DDX11: variants seen among roughly 807,000 people sequenced by gnomAD.
DDX11 encodes the protein ATP-dependent DNA helicase DDX11.
Under a neutral mutation model 125.2 loss-of-function variants are expected in DDX11, and 72 were observed. That is an observed-to-expected ratio of 0.58 (90% CI 0.48 to 0.70). The LOEUF (loss-of-function observed/expected upper bound fraction) is 0.70, where lower values mean the gene tolerates loss of function less well. Ranked by LOEUF, DDX11 falls within the 30% of genes least tolerant of loss-of-function variation. The probability of loss-of-function intolerance (pLI) is 0.00; values close to 1 mark genes in which losing one functional copy is unlikely to be tolerated. For missense variants in DDX11, 883 were observed against 1,165.0 expected (o/e 0.76, Z 3.52); for synonymous variants, 347 against 452.6 (o/e 0.77, Z 2.96).
rs550705143 is a variant in DDX11 at position 31,096,323 on chromosome 12, T to C, written c.1483-18T>C. The C allele has an allele frequency of 3.8e-6, 6 of 1,576,416 alleles. No homozygotes were observed. In the Admixed American group the frequency reaches 5.1e-5, roughly 13 times the overall value. On this transcript the variant is annotated intron_variant, in intron 14 of 26. Coordinates refer to ENST00000542838, the MANE Select transcript of DDX11 (RefSeq NM_030653.4). The stretch of plus-strand genomic sequence containing the variant: ...CTCAGTTTGCACTCATGCCTACAGC[T>C]GGGCTTGGTTTTTGCAGGTGCAGCG...
intron 8 of DDX11, 121 bp from the exon 9 acceptor site, chr12:31,089,765 G>C: frequency 1.3e-6 from 2 of 1,522,740 alleles, no homozygotes; most frequent in Non-Finnish European, 1.8e-6. Flanking sequence ...GGCAGTACTT[G>C]GGAGGGTCTT....
intron 2 of DDX11, among the ~76,000 whole-genome samples, chr12:31,081,552 G>A (rs534642589): frequency 2.0e-5 from 3 of 151,404 alleles, no homozygotes; most frequent in Non-Finnish European, 4.4e-5. Context: ...CATGCTTTGC[G>A]GGGATCTATG....
chr12:31,089,766 GGAGGGTCTTATAGACCCT>G, intron 8 of DDX11, 102 bp from the exon 9 acceptor site: 1 of 1,526,664 alleles, frequency 6.6e-7, no homozygotes, highest in Non-Finnish European at 8.9e-7. Context: ...GCAGTACTTG[GGAGGGTCTTATAGACCCT>G]ACCCCATGGA....
chr12:31,076,320 G>A (rs756298356), intron 1 of DDX11, among the ~76,000 whole-genome samples: 2 of 152,166 alleles, frequency 1.3e-5, no homozygotes, highest in African/African-American at 2.4e-5. Context: ...AGTGAACCCC[G>A]TGGGTGTGTG....
At chr12:31,078,608 C>T in intron 2 of DDX11, 71 bp downstream of exon 2, 2 of 1,609,316 alleles carry the variant, frequency 1.2e-6, no homozygotes, top group South Asian at 1.1e-5. Context: ...TCCTGTTTGC[C>T]TATCCAGAGA....
intron 20 of DDX11, chr12:31,101,450 G>A (rs1031638358): frequency 3.9e-6 from 2 of 506,700 alleles, no homozygotes; most frequent in Non-Finnish European, 3.6e-6. Context: ...TGCCCCTGCC[G>A]GGGGTAGGGA....
intron 24 of DDX11, 51 bp downstream of exon 24, chr12:31,103,071 G>C: frequency 6.3e-7 from 1 of 1,589,758 alleles, no homozygotes; most frequent in Admixed American, 1.7e-5. Flanking sequence ...GCAGTGGGTG[G>C]GAGTGGCATC....
At chr12:31,078,190 G>C in intron 1 of DDX11, 200 bp from the exon 2 acceptor site, 1 of 1,514,310 alleles carries the variant, frequency 6.6e-7, no homozygotes, top group Non-Finnish European at 8.9e-7. Context: ...GTTAAATGCC[G>C]CTAGATGGAG....
At chr12:31,093,856 T>G (rs1174802352) in intron 12 of DDX11, 1 of 181,630 alleles carries the variant, frequency 5.5e-6, no homozygotes, top group East Asian at 1.6e-4. Context: ...TCTGAGGACT[T>G]TTTATTTCAG....
chr12:31,099,084 CTTTT>C (rs763612105), intron 18 of DDX11, among the ~76,000 whole-genome samples: 1 of 63,722 alleles, frequency 1.6e-5, no homozygotes, highest in Admixed American at 2.3e-4. Context: ...TTCTTTCTTT[CTTTT>C]TTTTTTTTTT....
At chr12:31,094,997 C>G (rs1255811712) in intron 14 of DDX11, among the ~76,000 whole-genome samples, 175 bp downstream of exon 14, 2 of 152,210 alleles carry the variant, frequency 1.3e-5, no homozygotes, top group Non-Finnish European at 2.9e-5. Flanking sequence ...AGAGTGAAGG[C>G]CACAGGGATG....
intron 17 of DDX11, among the ~76,000 whole-genome samples, chr12:31,097,351 A>G (rs1398424457): frequency 6.6e-6 from 1 of 151,654 alleles, no homozygotes; most frequent in Non-Finnish European, 1.5e-5. Flanking sequence ...GATTTGGACT[A>G]TTTTCTTTCT....
chr12:31,103,745 T>C lies in DDX11; in HGVS notation c.2691+14T>C, dbSNP rs565165965. On this transcript the variant is annotated intron_variant, in intron 26 of 26. Coordinates refer to ENST00000542838, the MANE Select transcript of DDX11 (RefSeq NM_030653.4). The stretch of plus-strand genomic sequence containing the variant: ...GCTGTGCAGAAGGTCAGTCCTACCT[T>C]TTTCTTTCTGAGAGCCTCCCCACCC... The C allele has an allele frequency of 1.2e-6, 2 of 1,613,638 alleles. No individual in the cohort carries two copies. The highest frequency in any genetic ancestry group is 1.7e-6 in the Non-Finnish European group (2 of 1,179,894).
At position 31,102,434 on chromosome 12, in the gene DDX11, G is replaced by A. The variant is rs139972807; in HGVS notation, c.2279G>A (p.Gly760Asp). 281 of 1,614,120 alleles carry A rather than the reference G, an allele frequency of 1.7e-4. No individual in the cohort carries two copies. The highest frequency in any genetic ancestry group is 2.2e-4 in the Non-Finnish European group (260 of 1,179,982). Residue 760 changes from glycine to aspartate, a missense_variant, in exon 23 of 27, where the codon GGC (glycine) becomes GAC (aspartate). This residue lies in a region of DDX11 where 285 missense variants were observed against 346.0 expected (regional missense o/e 0.82). Transcript: ENST00000542838. ...TCTGGGTTTCTCCTACAGGCCTGTG[G>A]CCAGGAGAGAGGCCAGGTGACAGGG... ...LAYSRCIQAC[G>D]QERGQVTGAL...
At position 31,103,560 on chromosome 12, in the gene DDX11, C is replaced by A; in HGVS notation, c.2537-17C>A. 1 of 1,613,776 alleles carries A rather than the reference C, an allele frequency of 6.2e-7. No individual in the cohort carries two copies. Among genetic ancestry groups the A allele is most frequent in the South Asian group, 1.1e-5 (1 of 91,042 alleles). On this transcript the variant is annotated splice_polypyrimidine_tract_variant and intron_variant, in intron 25 of 26. Transcript: ENST00000542838. The stretch of plus-strand genomic sequence containing the variant: ...AGGCAGGTGTTGCTCGGAGCCCCAG[C>A]CTCTGTTCCTATGCAGGCAGGGCCA...
Position 31,103,343 on chromosome 12 carries a change from A to G in DDX11, c.2484A>G (p.Pro828=). The change falls in exon 25 of 27, where the codon CCA becomes CCG. Residue 828 remains proline, a synonymous_variant. Coordinates refer to ENST00000542838, the MANE Select transcript of DDX11 (RefSeq NM_030653.4). ...CCAGAGCCCCCGGCCAGGCACCCCCAGGGAAGGCTCTGGTGGAGAACCTGT... is the reference window on the plus strand; with the variant it reads ...CCAGAGCCCCCGGCCAGGCACCCCCGGGGAAGGCTCTGGTGGAGAACCTGT... ...TLPRAPGQAP[P]GKALVENLCM... is the part of the protein sequence containing the mutation. 6.2e-7 allele frequency: 1 copy of G among 1,611,306 alleles called. No homozygotes were observed. The highest frequency in any genetic ancestry group is 8.5e-7 in the Non-Finnish European group (1 of 1,179,706).
chr12:31,096,531 A>T, intron 15 of DDX11, 106 bp from the exon 16 acceptor site: 3 of 1,587,922 alleles, frequency 1.9e-6, no homozygotes, highest in Non-Finnish European at 2.6e-6. Context: ...GGGTGGTGGG[A>T]TGTGTGCTGC....
In DDX11 at chr12:31,100,305, G is replaced by A. The variant is rs559851147; in HGVS notation, c.1876-330G>A. On this transcript the variant is annotated intron_variant, in intron 18 of 26. Coordinates refer to ENST00000542838, the MANE Select transcript of DDX11 (RefSeq NM_030653.4). ...TTGCCAGTCTAACAGGTGAAAGCCT[G>A]GAGATTCTTATTCAGTAGTTTGGGC... is the stretch of plus-strand genomic sequence containing the variant. 1.2e-5 allele frequency: 3 copies of A among 254,550 alleles called. No individual in the cohort carries two copies. The South Asian group carries it at 1.8e-4, about 15-fold the overall frequency. 15.8% of individuals were successfully genotyped at this position (254,550 alleles called of 1,614,324 possible).
At position 31,096,692 on chromosome 12, in the gene DDX11, A is replaced by C. The variant is rs756309950; in HGVS notation, c.1577A>C (p.Lys526Thr). ...GAVFSSREQP[K>T]LAGFQQFLQS... is the part of the protein sequence containing the mutation. ...GTGTTCTCATCCCGGGAGCAGCCCA[A>C]ACTGGCTGGGTTTCAGCAATTCCTG... The change falls in exon 16 of 27, where the codon AAA (lysine) becomes ACA (threonine). Residue 526 changes from lysine (K) to threonine (T), a missense_variant. Physicochemically the swap from Lys to Thr is moderately conservative, Grantham distance 78. Transcript: ENST00000542838. 3.1e-6 allele frequency: 5 copies of C among 1,614,048 alleles called. No homozygotes were observed. The highest frequency in any genetic ancestry group is 2.2e-5 in the South Asian group (2 of 91,070).
Sources: gnomAD v4.1 joint callset for allele counts (sites outside exome capture counted in the v4.1 genomes callset) on GRCh38, gnomAD v4.1.1 for gene constraint, gnomAD v4.1.1 regional missense constraint, MANE v1.5 for transcripts, NCBI Gene and HGNC (gene_info 2026-07-23, HGNC 2026-07-21) for gene names.